The following TNRC6B variants were observed in gnomAD, a reference collection of about 807,000 sequenced individuals.
TNRC6B encodes trinucleotide repeat-containing gene 6B protein.
Under a neutral mutation model 203.6 loss-of-function variants are expected in TNRC6B, and 52 were observed. The observed-to-expected ratio is 0.26, with a 90% CI of 0.20 to 0.32. The LOEUF (loss-of-function observed/expected upper bound fraction) is 0.32, where lower values mean the gene tolerates loss of function less well. Ranked by LOEUF, TNRC6B falls within the 10% of genes least tolerant of loss-of-function variation. The pLI, the probability that TNRC6B is intolerant of heterozygous loss-of-function variation, is 1.00. For missense variants in TNRC6B, 1,923 were observed against 2,286.2 expected (o/e 0.84, Z 3.24); for synonymous variants, 838 against 845.7 (o/e 0.99, Z 0.16).
chr22:40,127,361 A>G lies in TNRC6B; in HGVS notation c.45+1499A>G, dbSNP rs150956888. Among the ~76,000 whole-genome samples, 107 of 152,222 alleles carry G rather than the reference A, an allele frequency of 7.0e-4. No homozygotes were observed. In the East Asian group the frequency reaches 0.017, roughly 25 times the overall value. Reference sequence around the variant, plus strand: ...AGATTTCTTTCTTCTTTCCGTAGCTAAAGCAGAAGCATATAGGTTTTCATC... The same window carrying G: ...AGATTTCTTTCTTCTTTCCGTAGCTGAAGCAGAAGCATATAGGTTTTCATC... On this transcript the variant is annotated intron_variant, in intron 3 of 23. Transcript: ENST00000301923.
At chr22:40,319,531 T>TTA (rs1221442770) in intron 21 of TNRC6B, among the ~76,000 whole-genome samples, 1 of 150,766 alleles carries the variant, frequency 6.6e-6, no homozygotes, top group Non-Finnish European at 1.5e-5. Context: ...GTTAATGCGG[T>TTA]TCTCATGTCT....
At chr22:40,176,347 G>A (rs533033096), upstream of TNRC6B, among the ~76,000 whole-genome samples, 44 of 151,932 alleles carry the variant, frequency 2.9e-4, no homozygotes, top group Admixed American at 5.9e-4. Flanking sequence ...GGCTGGTCTC[G>A]AACTCCCGAC....
intron 1 of TNRC6B, among the ~76,000 whole-genome samples, chr22:40,210,534 T>C (rs138005439): frequency 1.3e-5 from 2 of 152,218 alleles, no homozygotes; most frequent in Non-Finnish European, 2.9e-5. Context: ...AACACTTTGG[T>C]AAAAATTATT....
intron 3 of TNRC6B, among the ~76,000 whole-genome samples, chr22:40,126,681 C>A (rs1476926427): frequency 6.7e-6 from 1 of 149,286 alleles, no homozygotes; most frequent in African/African-American, 2.5e-5. Context: ...GCCTCTGCCA[C>A]CCAGGCTCAA....
chr22:40,236,530 C>G lies in TNRC6B; in HGVS notation c.6-9485C>G, dbSNP rs76053516. ...TCTCTTCCTGTTCCGGTCTGTCTGC[C>G]TTGATTTTGTGGAGTTGGAACTAGG... On this transcript the variant is annotated intron_variant, in intron 1 of 22. Coordinates refer to ENST00000454349, the MANE Select transcript of TNRC6B (RefSeq NM_001162501.2). Among the ~76,000 whole-genome samples, 24 of 152,238 alleles carry G rather than the reference C, an allele frequency of 1.6e-4. No individual in the cohort carries two copies. In the East Asian group the frequency reaches 3.3e-3, roughly 21 times the overall value.
At chr22:40,216,145 G>A (rs1298353294) in intron 1 of TNRC6B, among the ~76,000 whole-genome samples, 1 of 152,208 alleles carries the variant, frequency 6.6e-6, no homozygotes. Flanking sequence ...GGCCCATGCC[G>A]TTCCCCCTAG....
intron 1 of TNRC6B, among the ~76,000 whole-genome samples, chr22:40,194,247 A>G (rs2069309078): frequency 6.6e-6 from 1 of 152,142 alleles, no homozygotes; most frequent in Non-Finnish European, 1.5e-5. Flanking sequence ...TCCTGGGGTA[A>G]ACCCCGGGCA....
chr22:40,101,779 T>C (rs548875109), intron 1 of TNRC6B, among the ~76,000 whole-genome samples: 2 of 152,332 alleles, frequency 1.3e-5, no homozygotes, highest in East Asian at 1.9e-4. Context: ...CATCTTGTTA[T>C]TTCCCAGTTC....
intron 1 of TNRC6B, among the ~76,000 whole-genome samples, chr22:40,079,203 G>A (rs550960796): frequency 7.9e-5 from 12 of 152,102 alleles, no homozygotes; most frequent in South Asian, 2.1e-4. Flanking sequence ...ATGAGCCACC[G>A]TGCCCGGGCA....
At chr22:40,058,431 T>C (rs895991169) in intron 1 of TNRC6B, among the ~76,000 whole-genome samples, 3 of 118,422 alleles carry the variant, frequency 2.5e-5, no homozygotes, top group African/African-American at 1.5e-4. Flanking sequence ...TAGCACAATG[T>C]GACACAATGT....
At chr22:40,205,648 A>T (rs2069468638) in intron 1 of TNRC6B, among the ~76,000 whole-genome samples, 1 of 152,352 alleles carries the variant, frequency 6.6e-6, no homozygotes, top group African/African-American at 2.4e-5. Flanking sequence ...ACCACTGCCT[A>T]ACAGTAATAC....
intron 1 of TNRC6B, among the ~76,000 whole-genome samples, chr22:40,054,447 G>A (rs887048040): frequency 1.6e-4 from 24 of 152,100 alleles, no homozygotes; most frequent in Non-Finnish European, 4.4e-5. Flanking sequence ...CTCACAGCTG[G>A]AAGCCCGCAG....
chr22:40,168,806 G>A (rs996301766), intron 4 of TNRC6B, among the ~76,000 whole-genome samples: 4 of 152,074 alleles, frequency 2.6e-5, no homozygotes, highest in Non-Finnish European at 4.4e-5. Flanking sequence ...GGTTCTCTCC[G>A]TGGCAAACTC....
chr22:40,275,244 T>C lies in TNRC6B; in HGVS notation c.3141+1644T>C, dbSNP rs536505791. Among the ~76,000 whole-genome samples the C allele has an allele frequency of 2.6e-5, 4 of 152,372 alleles. No homozygotes were observed. In the South Asian group the frequency reaches 8.3e-4, roughly 32 times the overall value. Reference sequence around the variant, plus strand: ...GAATTATTCAGCAAACTTTTCAGCATTCCTTGCACTCTTAGGTTGTCTAGT... The same window carrying C: ...GAATTATTCAGCAAACTTTTCAGCACTCCTTGCACTCTTAGGTTGTCTAGT... On this transcript the variant is annotated intron_variant, in intron 7 of 22. Transcript: ENST00000454349.
upstream of TNRC6B, among the ~76,000 whole-genome samples, chr22:40,173,798 T>TATATATATAA (rs1347105048): frequency 4.3e-3 from 260 of 61,102 alleles, 4 homozygotes; most frequent in Non-Finnish European, 6.4e-3. Flanking sequence ...TATATATTTT[T>TATATATATAA]TTTTTTTTTT....
rs147376366 is a variant in TNRC6B, at chr22:40,280,742, G to A, written c.3412-377G>A. ...AAACCAAAATTTTTAAATCTGGCAC[G>A]TTTTGACACTGTTGTTGCTGGTCCA... On this transcript the variant is annotated intron_variant, in intron 10 of 22. Transcript: ENST00000454349. Among the ~76,000 whole-genome samples the A allele has an allele frequency of 1.4e-4, 21 of 152,290 alleles. No homozygotes were observed. The East Asian group carries it at 2.9e-3, about 21-fold the overall frequency.
Position 40,324,290 on chromosome 22 carries a change from G to GT in TNRC6B, c.*1064dup, listed in dbSNP as rs71722737. ...TTGGAGCAACGGTGTGTTTATTTCT[G>GT]TTTTTTTTTTTTTTTAAGTGAATGG... On this transcript the variant is annotated 3_prime_UTR_variant, in exon 23 of 23. Transcript: ENST00000454349. The GT allele has an allele frequency of 0.036, 4,944 of 137,038 alleles. 196 individuals carry two copies. The highest frequency in any genetic ancestry group is 0.1 in the African/African-American group (3,798 of 37,576). 8.5% of individuals were successfully genotyped at this position (137,038 alleles called of 1,614,324 possible).
At chr22:40,306,439 C>CT (rs2071088567) in intron 15 of TNRC6B, among the ~76,000 whole-genome samples, 1 of 152,116 alleles carries the variant, frequency 6.6e-6, no homozygotes, top group South Asian at 2.1e-4. Flanking sequence ...TGCCAGAATC[C>CT]TAGGTTATTT....
At chr22:40,135,813 CTT>C (rs2068594602) in intron 3 of TNRC6B, among the ~76,000 whole-genome samples, 2 of 152,238 alleles carry the variant, frequency 1.3e-5, no homozygotes, top group East Asian at 1.9e-4. Flanking sequence ...AAGCAGCAGA[CTT>C]TTAAAGCAGG....
Sources: gnomAD v4.1 joint callset for allele counts (sites outside exome capture counted in the v4.1 genomes callset) on GRCh38, gnomAD v4.1.1 for gene constraint, MANE v1.5 for transcripts, NCBI Gene and HGNC (gene_info 2026-07-23, HGNC 2026-07-21) for gene names.